The following ADAMTS17 variants were observed in gnomAD, a reference collection of about 807,000 sequenced individuals.
The protein encoded by ADAMTS17 is ADAM metallopeptidase with thrombospondin type 1 motif 17.
A neutral mutation model predicts 141.5 loss-of-function variants in ADAMTS17; 113 were observed. The observed-to-expected ratio is 0.80, with a 90% confidence interval of 0.69 to 0.93. ADAMTS17 has a LOEUF of 0.93. ADAMTS17 is among the 40% of genes least tolerant of loss of function. The pLI is 0.00. For missense variants in ADAMTS17, 1,659 were observed against 1,517.9 expected (o/e 1.09, Z -1.54); for synonymous variants, 768 against 630.6 (o/e 1.22, Z -3.27).
chr15:100,235,633 T>G (rs2141869873), intron 7 of ADAMTS17, among the ~76,000 whole-genome samples: 1 of 152,328 alleles, frequency 6.6e-6, no homozygotes, highest in Non-Finnish European at 1.5e-5. Flanking sequence ...TTCCCAGGTT[T>G]TGCTGATGCT....
intron 3 of ADAMTS17, among the ~76,000 whole-genome samples, chr15:100,297,170 A>G (rs1003358574): frequency 2.6e-5 from 4 of 152,180 alleles, no homozygotes; most frequent in African/African-American, 9.7e-5. Flanking sequence ...CAGCATATAC[A>G]CAGGGCCCAG....
intron 18 of ADAMTS17, among the ~76,000 whole-genome samples, chr15:100,042,929 T>C (rs2031378962): frequency 6.6e-6 from 1 of 152,222 alleles, no homozygotes; most frequent in Non-Finnish European, 1.5e-5. Context: ...CTACTGTACA[T>C]AATACATATA....
At chr15:100,149,640 A>G (rs762525772) in intron 10 of ADAMTS17, among the ~76,000 whole-genome samples, 1 of 152,174 alleles carries the variant, frequency 6.6e-6, no homozygotes, top group Non-Finnish European at 1.5e-5. Flanking sequence ...AGCCAATCAG[A>G]ATTAGCTTCG....
intron 14 of ADAMTS17, among the ~76,000 whole-genome samples, chr15:100,101,068 G>T (rs1413832514): frequency 2.0e-5 from 3 of 152,148 alleles, no homozygotes; most frequent in Non-Finnish European, 2.9e-5. Flanking sequence ...CTGGGCCCTG[G>T]CTCCTTTGTG....
chr15:100,045,939 G>A (rs1340461289), intron 18 of ADAMTS17, among the ~76,000 whole-genome samples: 4 of 152,148 alleles, frequency 2.6e-5, no homozygotes, highest in African/African-American at 9.7e-5. Context: ...GGAGTGCAGT[G>A]GTGTGATCTC....
At chr15:100,148,289 G>A (rs1037433848) in intron 10 of ADAMTS17, among the ~76,000 whole-genome samples, 1 of 152,212 alleles carries the variant, frequency 6.6e-6, no homozygotes, top group Non-Finnish European at 1.5e-5. Flanking sequence ...GACTTTGAGT[G>A]TATCTAAATC....
At chr15:100,067,566 T>G (rs2033630120) in intron 15 of ADAMTS17, among the ~76,000 whole-genome samples, 1 of 152,216 alleles carries the variant, frequency 6.6e-6, no homozygotes, top group Non-Finnish European at 1.5e-5. Context: ...AGTACACATT[T>G]TTTTTTTCTG....
chr15:100,116,798 T>C (rs1376267108), intron 13 of ADAMTS17, 49 bp downstream of exon 13: 1 of 1,613,172 alleles, frequency 6.2e-7, no homozygotes, highest in Non-Finnish European at 8.5e-7. Context: ...TTTATATTCT[T>C]AGGGGAGGAC....
At chr15:100,234,277 C>T (rs187477281) in intron 7 of ADAMTS17, among the ~76,000 whole-genome samples, 3 of 152,306 alleles carry the variant, frequency 2.0e-5, no homozygotes, top group East Asian at 1.9e-4. Context: ...TAATAAAACT[C>T]GCAGCCACCG....
At chr15:100,222,978 G>A (rs1645740033) in intron 7 of ADAMTS17, among the ~76,000 whole-genome samples, 1 of 152,216 alleles carries the variant, frequency 6.6e-6, no homozygotes, top group Non-Finnish European at 1.5e-5. Flanking sequence ...ATTCTACGAA[G>A]AAAGCTAGGC....
chr15:100,254,054 C>G, intron 7 of ADAMTS17, 82 bp downstream of exon 7: 1 of 1,351,124 alleles, frequency 7.4e-7, no homozygotes, highest in Admixed American at 1.7e-5. Flanking sequence ...TTGAGGACAG[C>G]TCCTCCACTG....
chr15:100,199,310 A>T lies in ADAMTS17; in HGVS notation c.1181+8T>A. On this transcript the variant is annotated splice_region_variant and intron_variant, in intron 8 of 21. Coordinates refer to ENST00000268070, the MANE Select transcript of ADAMTS17 (RefSeq NM_139057.4). ...AGAAAACAGGACGACACAGAGTCTG[A>T]TACTTACTTGTGGCCCAGCTCATGG... 6.2e-7 allele frequency: 1 copy of T among 1,612,720 alleles called. No homozygotes were observed. Among genetic ancestry groups the T allele is most frequent in the South Asian group, 1.1e-5 (1 of 91,052 alleles).
At chr15:100,190,131 G>A (rs769090757) in intron 8 of ADAMTS17, among the ~76,000 whole-genome samples, 19 of 152,156 alleles carry the variant, frequency 1.2e-4, no homozygotes, top group Non-Finnish European at 2.5e-4. Flanking sequence ...TGCTTCCAGC[G>A]ACTCGCTAAG....
chr15:100,020,634 C>G (rs141165432), intron 18 of ADAMTS17, among the ~76,000 whole-genome samples: 6 of 152,316 alleles, frequency 3.9e-5, no homozygotes, highest in African/African-American at 1.4e-4. Flanking sequence ...TCTCAACATG[C>G]TGCTGCTAAG....
intron 7 of ADAMTS17, among the ~76,000 whole-genome samples, chr15:100,206,544 T>C (rs1434809908): frequency 6.6e-6 from 1 of 152,230 alleles, no homozygotes; most frequent in East Asian, 1.9e-4. Context: ...GTGACAGCTT[T>C]CAGCCTCCTC....
At chr15:100,111,747 C>T (rs12916484) in intron 13 of ADAMTS17, among the ~76,000 whole-genome samples, 42,333 of 152,110 alleles carry the variant, frequency 0.28, 6,090 homozygotes, top group East Asian at 0.39. Context: ...AAATCATAAA[C>T]GATATTTACT....
chr15:99,988,734 C>T (rs2060638506), intron 20 of ADAMTS17, among the ~76,000 whole-genome samples: 1 of 152,210 alleles, frequency 6.6e-6, no homozygotes. Context: ...CTCCATCTTA[C>T]CTGACAGGCA....
At chr15:100,298,064 G>A (rs1350833901) in intron 3 of ADAMTS17, among the ~76,000 whole-genome samples, 6 of 152,068 alleles carry the variant, frequency 3.9e-5, no homozygotes, top group South Asian at 4.2e-4. Context: ...GAGAGTGCTC[G>A]TGGGGACAGA....
intron 8 of ADAMTS17, 124 bp downstream of exon 8, chr15:100,199,194 C>A: frequency 1.1e-6 from 1 of 890,452 alleles, no homozygotes; most frequent in Admixed American, 1.9e-5. Flanking sequence ...TGACCTGGGT[C>A]CTTTATTGCA....
Sources: allele counts gnomAD v4.1 joint callset (sites outside exome capture counted in the v4.1 genomes callset), GRCh38; gene constraint gnomAD v4.1.1; transcripts MANE v1.5; gene names NCBI Gene and HGNC (gene_info 2026-07-23, HGNC 2026-07-21).